The following SDK1 variants were observed in gnomAD, a reference collection of about 807,000 sequenced individuals.
The protein encoded by SDK1 is sidekick cell adhesion molecule 1.
In SDK1, 157 loss-of-function variants were observed where a neutral mutation model predicts 245.5. The observed-to-expected ratio is 0.64, with a 90% CI of 0.56 to 0.73. The LOEUF is 0.73. Ranked by LOEUF, SDK1 falls within the 30% of genes least tolerant of loss-of-function variation. SDK1 has a pLI of 0.00. For missense variants in SDK1, 3,583 were observed against 3,002.3 expected (o/e 1.19, Z -4.52); for synonymous variants, 1,647 against 1,278.5 (o/e 1.29, Z -6.15).
chr7:3,910,672 C>G (rs1779132803), intron 5 of SDK1, among the ~76,000 whole-genome samples: 1 of 152,112 alleles, frequency 6.6e-6, no homozygotes, highest in South Asian at 2.1e-4. Flanking sequence ...TAGAATGGGA[C>G]GTCCTCCTTT....
intron 4 of SDK1, among the ~76,000 whole-genome samples, chr7:3,667,421 T>C (rs985806242): frequency 6.6e-6 from 1 of 152,232 alleles, no homozygotes; most frequent in Non-Finnish European, 1.5e-5. Flanking sequence ...CCCTGAGGCT[T>C]TTCTATTCAG....
chr7:3,809,395 A>G (rs755207958), intron 4 of SDK1, among the ~76,000 whole-genome samples: 2 of 152,138 alleles, frequency 1.3e-5, no homozygotes, highest in African/African-American at 2.4e-5. Context: ...TGAGATTTGG[A>G]TGGAACACAG....
At chr7:3,868,323 G>A (rs1178880246) in intron 5 of SDK1, among the ~76,000 whole-genome samples, 1 of 152,078 alleles carries the variant, frequency 6.6e-6, no homozygotes, top group Middle Eastern at 3.2e-3. Flanking sequence ...TTTGTCTCAG[G>A]GAAGCACTGT....
chr7:3,761,196 T>G (rs1004454856), intron 4 of SDK1, among the ~76,000 whole-genome samples: 1 of 151,860 alleles, frequency 6.6e-6, no homozygotes, highest in African/African-American at 2.4e-5. Context: ...CTTTTTAAGT[T>G]GACTGATTTT....
intron 5 of SDK1, among the ~76,000 whole-genome samples, chr7:3,908,472 G>C (rs1229108246): frequency 6.6e-6 from 1 of 152,164 alleles, no homozygotes; most frequent in Admixed American, 6.5e-5. Context: ...GGTCCACTCA[G>C]CTGCGTCCAG....
chr7:3,821,616 A>G lies in SDK1; in HGVS notation c.847+33A>G, dbSNP rs1481634812. 6 of 1,607,800 alleles carry G rather than the reference A, an allele frequency of 3.7e-6. No individual in the cohort carries two copies. In the African/African-American group the frequency reaches 8.0e-5, roughly 22 times the overall value. On this transcript the variant is annotated intron_variant, in intron 5 of 44. Coordinates refer to ENST00000404826, the MANE Select transcript of SDK1 (RefSeq NM_152744.4). Reference sequence around the variant, plus strand: ...TTGAAATCCCAAATGGTAATTCTGCAAGCAATAAAATCTTGCTTTAATCAG... The same window carrying G: ...TTGAAATCCCAAATGGTAATTCTGCGAGCAATAAAATCTTGCTTTAATCAG...
In SDK1 at chr7:4,114,064, A is replaced by T. The variant is rs1201331281; in HGVS notation, c.3613A>T (p.Asn1205Tyr). The T allele has an allele frequency of 6.2e-7, 1 of 1,614,196 alleles. No individual in the cohort carries two copies. The highest frequency in any genetic ancestry group is 1.1e-5 in the South Asian group (1 of 91,086). ...VPLPDSQYNG[N>Y]PESVGYRIKY... ...CCTGCCGGATTCTCAGTACAACGGG[A>T]ACCCCGAGTCCGTGGGCTACAGGAT... The change falls in exon 25 of 45, where the codon AAC (asparagine) becomes TAC (tyrosine). Residue 1205 changes from asparagine to tyrosine, a missense_variant. Coordinates refer to ENST00000404826, the MANE Select transcript of SDK1 (RefSeq NM_152744.4).
chr7:3,430,897 T>C (rs1004111306), intron 1 of SDK1, among the ~76,000 whole-genome samples: 4 of 152,116 alleles, frequency 2.6e-5, no homozygotes, highest in Non-Finnish European at 5.9e-5. Context: ...GTCTTTTACC[T>C]TTTTTTGTTC....
chr7:3,941,072 C>T lies in SDK1; in HGVS notation c.848-9851C>T, dbSNP rs543271132. Among the ~76,000 whole-genome samples the T allele has an allele frequency of 4.7e-4, 71 of 152,060 alleles. 1 individual carries two copies. Among genetic ancestry groups the T allele is most frequent in the African/African-American group, 1.6e-3 (68 of 41,400 alleles). On this transcript the variant is annotated intron_variant, in intron 5 of 44. Transcript: ENST00000404826. ...CTGCCACTCCCAGACCCCCGTCTGTCTCCTGAGCTTTCTCCCTTATAAGCT... is the reference window on the plus strand; with the variant it reads ...CTGCCACTCCCAGACCCCCGTCTGTTTCCTGAGCTTTCTCCCTTATAAGCT...
chr7:4,224,138 C>A (rs1317208660), intron 40 of SDK1, among the ~76,000 whole-genome samples: 1 of 152,216 alleles, frequency 6.6e-6, no homozygotes. Flanking sequence ...GCAGGTGCCT[C>A]CAGGTGATCG....
At chr7:3,405,620 G>A (rs929297517) in intron 1 of SDK1, among the ~76,000 whole-genome samples, 2 of 152,084 alleles carry the variant, frequency 1.3e-5, no homozygotes, top group African/African-American at 4.8e-5. Context: ...GATCTAGAAG[G>A]ATTTTGAGCA....
At chr7:3,502,036 A>G (rs963351490) in intron 1 of SDK1, among the ~76,000 whole-genome samples, 2 of 152,146 alleles carry the variant, frequency 1.3e-5, no homozygotes, top group African/African-American at 2.4e-5. Flanking sequence ...CCAATTACAT[A>G]TAAGCTTACT....
intron 35 of SDK1, among the ~76,000 whole-genome samples, chr7:4,202,350 G>A (rs965607786): frequency 1.3e-5 from 2 of 152,178 alleles, no homozygotes; most frequent in Non-Finnish European, 2.9e-5. Context: ...TCCCGCTGCC[G>A]CCCTCCGAGT....
At position 4,175,943 on chromosome 7, in the gene SDK1, T is replaced by G. The variant is rs530348533; in HGVS notation, c.4996+109T>G. ...AACCAGCCTGGATTAATGGCTCCAGTTCTGGAATCGCCTCTCAAACGCTGC... is the reference window on the plus strand; with the variant it reads ...AACCAGCCTGGATTAATGGCTCCAGGTCTGGAATCGCCTCTCAAACGCTGC... On this transcript the variant is annotated intron_variant, in intron 34 of 44. Coordinates refer to ENST00000404826, the MANE Select transcript of SDK1 (RefSeq NM_152744.4). 7.6e-4 allele frequency: 688 copies of G among 908,364 alleles called. 8 individuals are homozygous for G. The South Asian group carries it at 7.8e-3, about 10-fold the overall frequency. 56.3% of individuals were successfully genotyped at this position (908,364 alleles called of 1,614,324 possible). A position where few individuals can be genotyped will look rare whatever the true frequency, so the allele number is the denominator to read the frequency against.
chr7:4,101,908 C>G (rs561054346), intron 22 of SDK1, among the ~76,000 whole-genome samples: 2 of 152,042 alleles, frequency 1.3e-5, no homozygotes, highest in Admixed American at 6.6e-5. Flanking sequence ...GGAGGGAGAT[C>G]GAGAGAGCCA....
At chr7:3,644,243 T>TTATATATA (rs66881824) in intron 4 of SDK1, among the ~76,000 whole-genome samples, 3,094 of 145,190 alleles carry the variant, frequency 0.021, 54 homozygotes, top group African/African-American at 0.036. Context: ...GAACAAAAAT[T>TTATATATA]TATATATATA....
chr7:4,063,596 G>GAAAAAAAAAAAAA (rs1779680328), intron 19 of SDK1, among the ~76,000 whole-genome samples: 1 of 109,798 alleles, frequency 9.1e-6, no homozygotes, highest in South Asian at 2.8e-4. Context: ...CACAGAAATA[G>GAAAAAAAAAAAAA]CAAAAAAAAA....
At chr7:3,348,483 G>C (rs1780566258) in intron 1 of SDK1, among the ~76,000 whole-genome samples, 1 of 151,880 alleles carries the variant, frequency 6.6e-6, no homozygotes. Context: ...GTTCTCGTAA[G>C]GGAGAACTAA....
chr7:3,630,776 A>C lies in SDK1; in HGVS notation c.459-8228A>C, dbSNP rs543340466. On this transcript the variant is annotated intron_variant, in intron 2 of 44. Coordinates refer to ENST00000404826, the MANE Select transcript of SDK1 (RefSeq NM_152744.4). ...AAAGAAGACCTAAATCAATGGGCAG[A>C]TACACTGTGTTTATATATCTGAAGG... Among the ~76,000 whole-genome samples the C allele has an allele frequency of 2.0e-5, 3 of 152,058 alleles. No homozygotes were observed. In the East Asian group the frequency reaches 5.8e-4, roughly 29 times the overall value.
Sources: allele counts gnomAD v4.1 joint callset (sites outside exome capture counted in the v4.1 genomes callset), GRCh38; gene constraint gnomAD v4.1.1; transcripts MANE v1.5; gene names NCBI Gene and HGNC (gene_info 2026-07-23, HGNC 2026-07-21).